TRPM3: variants seen among roughly 807,000 people sequenced by gnomAD.
The protein encoded by TRPM3 is long transient receptor potential channel 3.
A neutral mutation model predicts 181.2 loss-of-function variants in TRPM3; 77 were observed. That is an observed-to-expected ratio of 0.42 (90% CI 0.35 to 0.51). The LOEUF (loss-of-function observed/expected upper bound fraction) is 0.51, where lower values mean the gene tolerates loss of function less well. Ranked by LOEUF, TRPM3 falls within the 20% of genes least tolerant of loss-of-function variation. The pLI is 0.01. For synonymous variants in TRPM3, 745 were observed against 796.4 expected, an observed-to-expected ratio of 0.94 and a Z score of 1.09; for missense variants, 1,759 against 2,196.7, an observed-to-expected ratio of 0.80 and a Z score of 3.98.
intron 8 of TRPM3, among the ~76,000 whole-genome samples, chr9:70,698,828 C>CACAT (rs1467901812): frequency 1.3e-5 from 2 of 152,226 alleles, no homozygotes; most frequent in Admixed American, 6.5e-5. Flanking sequence ...CTGCTCCTTC[C>CACAT]ATGTAAGACT....
chr9:70,766,443 AC>A (rs1268366195), intron 7 of TRPM3, among the ~76,000 whole-genome samples: 4 of 152,072 alleles, frequency 2.6e-5, no homozygotes, highest in Non-Finnish European at 5.9e-5. Context: ...CCTTCCTGTG[AC>A]CCCCATAGAT....
intron 1 of TRPM3, among the ~76,000 whole-genome samples, chr9:70,933,366 C>T (rs1328382654): frequency 1.3e-5 from 2 of 152,116 alleles, no homozygotes; most frequent in Non-Finnish European, 2.9e-5. Flanking sequence ...TTGGTTGAGA[C>T]TTAACTCTAA....
chr9:71,104,868 G>A lies in TRPM3; in HGVS notation c.177+16310C>T, dbSNP rs184903855. On this transcript the variant is annotated intron_variant, in intron 1 of 25. Transcript: ENST00000677713. ...GGTGAGAATGTGTGACAACTGAAAC[G>A]CTTATATTGTATGTTAAAGGGAGTA... is the stretch of plus-strand genomic sequence containing the variant. 9.9e-5 allele frequency among the ~76,000 whole-genome samples: 15 copies of A among 152,212 alleles called. No individual in the cohort carries two copies. In the East Asian group the frequency reaches 2.5e-3, roughly 25 times the overall value.
chr9:70,843,543 T>C (rs978758658), intron 4 of TRPM3, among the ~76,000 whole-genome samples: 1 of 152,230 alleles, frequency 6.6e-6, no homozygotes, highest in African/African-American at 2.4e-5. Context: ...CCACAGTCTG[T>C]ATATGAGTTA....
chr9:71,413,160 T>G (rs2093586247), intron 1 of TRPM3, among the ~76,000 whole-genome samples: 1 of 152,110 alleles, frequency 6.6e-6, no homozygotes, highest in South Asian at 2.1e-4. Context: ...GACGAGTTAA[T>G]GGGTGCAGCA....
chr9:70,912,012 GC>G (rs2133159254), intron 1 of TRPM3, among the ~76,000 whole-genome samples: 1 of 152,294 alleles, frequency 6.6e-6, no homozygotes, highest in Non-Finnish European at 1.5e-5. Context: ...GAGGCAGTTG[GC>G]TGCTACCTCA....
rs553709554 is a variant in TRPM3 at position 70,636,746 on chromosome 9, G to A, written c.1582-1485C>T. On this transcript the variant is annotated intron_variant, in intron 11 of 25. Coordinates refer to ENST00000677713, the MANE Select transcript of TRPM3 (RefSeq NM_001366145.2). ...TCTGTCACCTGGGCTGGAGTGCGGT[G>A]GTGTGATCTCAGCTCACTGCAACCT... Among the ~76,000 whole-genome samples the A allele has an allele frequency of 3.3e-3, 494 of 148,718 alleles. 3 individuals are homozygous for A. Among genetic ancestry groups the A allele is most frequent in the Middle Eastern group, 0.014 (4 of 282 alleles).
chr9:71,337,705 G>A (rs555557391), intron 1 of TRPM3, among the ~76,000 whole-genome samples: 1 of 152,232 alleles, frequency 6.6e-6, no homozygotes, highest in Non-Finnish European at 1.5e-5. Context: ...ATGGTAGACT[G>A]GATAAAGAAA....
intron 1 of TRPM3, among the ~76,000 whole-genome samples, chr9:70,899,296 T>G (rs1293966601): frequency 6.6e-6 from 1 of 152,236 alleles, no homozygotes; most frequent in Non-Finnish European, 1.5e-5. Context: ...GTGATCTTAC[T>G]GTTACTGTTT....
chr9:71,282,680 G>C (rs2084943319), intron 1 of TRPM3, among the ~76,000 whole-genome samples: 1 of 152,208 alleles, frequency 6.6e-6, no homozygotes, highest in South Asian at 2.1e-4. Flanking sequence ...TCACCAGCAT[G>C]AGAACTTAAA....
chr9:70,940,799 G>A (rs577337854), intron 1 of TRPM3, among the ~76,000 whole-genome samples: 1 of 152,184 alleles, frequency 6.6e-6, no homozygotes, highest in Admixed American at 6.5e-5. Context: ...TTTATGCTGA[G>A]GGAGCACCTG....
intron 1 of TRPM3, among the ~76,000 whole-genome samples, chr9:71,238,296 A>C (rs1432885589): frequency 6.6e-6 from 1 of 152,106 alleles, no homozygotes; most frequent in Admixed American, 6.6e-5. Context: ...CCTTCCCTAC[A>C]CATCATTCTC....
chr9:71,294,307 G>C (rs987567983), intron 1 of TRPM3, among the ~76,000 whole-genome samples: 1 of 151,872 alleles, frequency 6.6e-6, no homozygotes. Flanking sequence ...AAATCTAATA[G>C]AAAAACACAC....
chr9:70,601,313 C>T (rs1230391156), intron 20 of TRPM3, among the ~76,000 whole-genome samples: 2 of 152,108 alleles, frequency 1.3e-5, no homozygotes, highest in East Asian at 3.9e-4. Context: ...TTGGTGACTC[C>T]GGGCAGAAGT....
At chr9:71,007,093 G>GAA (rs71507021) in intron 1 of TRPM3, among the ~76,000 whole-genome samples, 3 of 94,076 alleles carry the variant, frequency 3.2e-5, no homozygotes, top group African/African-American at 1.3e-4. Context: ...GTCAGGAACA[G>GAA]AAAAAAAAAA....
At chr9:70,748,295 G>C (rs1194616002) in intron 8 of TRPM3, among the ~76,000 whole-genome samples, 1 of 152,156 alleles carries the variant, frequency 6.6e-6, no homozygotes, top group Non-Finnish European at 1.5e-5. Flanking sequence ...CTGCCCAAGA[G>C]AGAATGTGGT....
intron 3 of TRPM3, among the ~76,000 whole-genome samples, chr9:70,856,015 A>G (rs1364246049): frequency 6.6e-6 from 1 of 152,184 alleles, no homozygotes; most frequent in Non-Finnish European, 1.5e-5. Flanking sequence ...ATGAGATATC[A>G]GGTACTTACA....
At chr9:71,402,113 G>A (rs564610070) in intron 1 of TRPM3, among the ~76,000 whole-genome samples, 1 of 152,178 alleles carries the variant, frequency 6.6e-6, no homozygotes, top group South Asian at 2.1e-4. Flanking sequence ...ATTACTCATC[G>A]CAAATTAGAA....
intron 25 of TRPM3, among the ~76,000 whole-genome samples, chr9:70,548,061 T>C (rs1298726059): frequency 2.6e-5 from 4 of 152,220 alleles, no homozygotes; most frequent in African/African-American, 4.8e-5. Context: ...CTATGGCTTT[T>C]CTGAATTTAA....
Sources: gnomAD v4.1 joint callset for allele counts (sites outside exome capture counted in the v4.1 genomes callset) on GRCh38, gnomAD v4.1.1 for gene constraint, MANE v1.5 for transcripts, NCBI Gene and HGNC (gene_info 2026-07-23, HGNC 2026-07-21) for gene names.